The following MEIKIN variants were observed in gnomAD, a reference collection of about 807,000 sequenced individuals.
The protein encoded by MEIKIN is meiotic kinetochore factor, also known as meiosis-specific kinetochore protein.
intron 5 of MEIKIN, among the ~76,000 whole-genome samples, chr5:131,924,580 T>C (rs1196737652): frequency 1.3e-5 from 2 of 152,200 alleles, no homozygotes; most frequent in African/African-American, 2.4e-5. Context: ...ATTAATGATG[T>C]TGAGCATTTT....
chr5:131,901,714 C>T (rs1475270444), intron 8 of MEIKIN, among the ~76,000 whole-genome samples: 1 of 152,148 alleles, frequency 6.6e-6, no homozygotes. Context: ...AGCACACAAT[C>T]CAGAGGTCCT....
chr5:131,897,266 G>A (rs142958719), intron 8 of MEIKIN, among the ~76,000 whole-genome samples: 32,768 of 152,120 alleles, frequency 0.22, 3,779 homozygotes, highest in East Asian at 0.49. Context: ...TTAGTCTGAC[G>A]GGCTTCCCTT....
At chr5:131,865,808 G>A (rs924249314) in intron 9 of MEIKIN, among the ~76,000 whole-genome samples, 1 of 152,232 alleles carries the variant, frequency 6.6e-6, no homozygotes, top group African/African-American at 2.4e-5. Context: ...AACAGCATCA[G>A]TGTTATCTGT....
intron 12 of MEIKIN, among the ~76,000 whole-genome samples, chr5:131,814,692 G>A (rs1160497283): frequency 1.3e-5 from 2 of 152,194 alleles, no homozygotes; most frequent in Non-Finnish European, 2.9e-5. Flanking sequence ...ATAATGAAGT[G>A]AATATAGGAT....
In MEIKIN at chr5:131,863,557, C is replaced by CTTTTTTTTTTTTTTTTTTTT. The variant is rs59435888; in HGVS notation, c.775-8743_775-8724dup. The stretch of plus-strand genomic sequence containing the variant: ...TCATTATATAATGACCTTCTTTGTC[C>CTTTTTTTTTTTTTTTTTTTT]TTTTTTTTTTTTTTTTTTTTTTTTT... On this transcript the variant is annotated intron_variant, in intron 9 of 12. Transcript: ENST00000442687. Among the ~76,000 whole-genome samples the CTTTTTTTTTTTTTTTTTTTT allele has an allele frequency of 7.2e-4, 49 of 68,430 alleles. 2 individuals carry two copies. Among genetic ancestry groups the CTTTTTTTTTTTTTTTTTTTT allele is most frequent in the African/African-American group, 2.7e-3 (35 of 12,854 alleles). 44.9% of individuals were successfully genotyped at this position (68,430 alleles called of 152,430 possible). A position where few individuals can be genotyped will look rare whatever the true frequency, so the allele number is the denominator to read the frequency against.
chr5:131,856,744 G>C (rs549203456), intron 9 of MEIKIN, among the ~76,000 whole-genome samples: 2 of 151,866 alleles, frequency 1.3e-5, no homozygotes, highest in Non-Finnish European at 2.9e-5. Flanking sequence ...GTATGCAGCT[G>C]TAAGTATATA....
chr5:131,879,779 T>C (rs751866785), intron 8 of MEIKIN, among the ~76,000 whole-genome samples: 3 of 152,240 alleles, frequency 2.0e-5, no homozygotes, highest in Non-Finnish European at 2.9e-5. Flanking sequence ...ATTTCTAACC[T>C]GGCTCCTTTT....
At chr5:131,906,965 C>T (rs2149641586) in intron 8 of MEIKIN, among the ~76,000 whole-genome samples, 1 of 152,234 alleles carries the variant, frequency 6.6e-6, no homozygotes, top group East Asian at 1.9e-4. Context: ...GTAACAGACA[C>T]ACAATTTATC....
chr5:131,912,462 C>T (rs1751347473), intron 7 of MEIKIN, among the ~76,000 whole-genome samples: 2 of 151,812 alleles, frequency 1.3e-5, no homozygotes, highest in South Asian at 4.2e-4. Flanking sequence ...TAGGAAAGGA[C>T]TAGCTATCAC....
chr5:131,812,790 G>A (rs1013064549), intron 12 of MEIKIN, among the ~76,000 whole-genome samples: 3 of 152,360 alleles, frequency 2.0e-5, no homozygotes, highest in Admixed American at 6.5e-5. Context: ...TAGAAACGCT[G>A]CTTGGAGCCT....
At chr5:131,918,931 G>A (rs1220469691) in intron 6 of MEIKIN, among the ~76,000 whole-genome samples, 1 of 152,140 alleles carries the variant, frequency 6.6e-6, no homozygotes, top group African/African-American at 2.4e-5. Flanking sequence ...GATGATATTA[G>A]AGAACTGCTA....
chr5:131,874,964 C>T (rs986103669), intron 9 of MEIKIN, among the ~76,000 whole-genome samples: 54 of 152,208 alleles, frequency 3.5e-4, no homozygotes, highest in African/African-American at 1.2e-3. Context: ...TAAAAACTCT[C>T]AATAAATTAG....
rs76867518 is a variant in MEIKIN at position 131,881,723 on chromosome 5, T to C, written c.704-2675A>G. ...ATCTTGGTATATATGTATTCATCCA[T>C]GTATCTACCACCCAGATCAAGATAC... On this transcript the variant is annotated intron_variant, in intron 8 of 12. Transcript: ENST00000442687. 4.7e-3 allele frequency among the ~76,000 whole-genome samples: 716 copies of C among 152,332 alleles called. 8 individuals carry two copies. Among genetic ancestry groups the C allele is most frequent in the African/African-American group, 0.016 (680 of 41,568 alleles).
rs376686281 is a variant in MEIKIN at position 131,869,597 on chromosome 5, C to T, written c.774+9381G>A. Among the ~76,000 whole-genome samples, 28 of 152,274 alleles carry T rather than the reference C, an allele frequency of 1.8e-4. No individual in the cohort carries two copies. In the South Asian group the frequency reaches 4.4e-3, roughly 24 times the overall value. On this transcript the variant is annotated intron_variant, in intron 9 of 12. Transcript: ENST00000442687. ...AAACAAAAACAAAAACAAAAAAACC[C>T]GAATATTCTCGCATTCTGTTTCACA...
Position 131,810,426 on chromosome 5 carries a change from G to C in MEIKIN, c.1100-3168C>G, listed in dbSNP as rs543285595. 2.0e-4 allele frequency among the ~76,000 whole-genome samples: 31 copies of C among 152,306 alleles called. No homozygotes were observed. In the South Asian group the frequency reaches 6.2e-3, roughly 31 times the overall value. On this transcript the variant is annotated intron_variant, in intron 12 of 12. Coordinates refer to ENST00000442687, the MANE Select transcript of MEIKIN (RefSeq NM_001303622.2). The stretch of plus-strand genomic sequence containing the variant: ...CTTCTCTAACACCTCAAAGTTAAAA[G>C]TGTCCTCTCTTGGGTTCCTACAGTG...
chr5:131,848,839 A>G (rs180844149), intron 11 of MEIKIN, among the ~76,000 whole-genome samples: 21 of 152,324 alleles, frequency 1.4e-4, no homozygotes, highest in African/African-American at 4.3e-4. Flanking sequence ...AATGGGTTTT[A>G]TTCGTGGAAT....
At chr5:131,891,243 C>T (rs1317554373) in intron 8 of MEIKIN, among the ~76,000 whole-genome samples, 1 of 152,152 alleles carries the variant, frequency 6.6e-6, no homozygotes, top group Non-Finnish European at 1.5e-5. Context: ...GCGCTTGGTG[C>T]ATAGCTGAGT....
At chr5:131,844,654 T>C (rs190482346) in intron 11 of MEIKIN, among the ~76,000 whole-genome samples, 217 of 152,304 alleles carry the variant, frequency 1.4e-3, no homozygotes, top group African/African-American at 5.0e-3. Flanking sequence ...AGAAACTATC[T>C]GAGGCCAGTA....
chr5:131,944,874 A>T (rs1751935247), intron 2 of MEIKIN, 122 bp from the exon 3 acceptor site: 1 of 398,336 alleles, frequency 2.5e-6, no homozygotes, highest in Non-Finnish European at 4.4e-6. Context: ...TAAGGACCAG[A>T]GTGGTGACTT....
Sources: allele counts gnomAD v4.1 joint callset (sites outside exome capture counted in the v4.1 genomes callset), GRCh38; gene constraint gnomAD v4.1.1; transcripts MANE v1.5; gene names NCBI Gene and HGNC (gene_info 2026-07-23, HGNC 2026-07-21).